The following PRKG1 variants were observed in gnomAD, a reference collection of about 807,000 sequenced individuals.
PRKG1 encodes the protein protein kinase cGMP-dependent 1, also known as cGMP-dependent protein kinase 1.
In PRKG1, 35 loss-of-function variants were observed where a neutral mutation model predicts 88.1. The observed-to-expected ratio is 0.40, with a 90% confidence interval of 0.30 to 0.53. PRKG1 has a LOEUF of 0.53. Among genes scored for constraint, PRKG1 ranks in the 20% least tolerant of loss-of-function variants. PRKG1 has a pLI of 0.59. For missense variants in PRKG1, 540 were observed against 839.8 expected (o/e 0.64, Z 4.41); for synonymous variants, 303 against 292.5 (o/e 1.04, Z -0.37).
At chr10:51,461,427 A>AT (rs1564507372) in intron 2 of PRKG1, among the ~76,000 whole-genome samples, 1 of 152,222 alleles carries the variant, frequency 6.6e-6, no homozygotes. Context: ...TAGAAAAAAA[A>AT]CCTAATACAT....
At chr10:52,045,172 A>G (rs1055199318) in intron 5 of PRKG1, among the ~76,000 whole-genome samples, 2 of 151,974 alleles carry the variant, frequency 1.3e-5, no homozygotes, top group Non-Finnish European at 2.9e-5. Context: ...AATTTTAATT[A>G]TGTGTCTTTG....
intron 15 of PRKG1, 27 bp from the exon 16 acceptor site, chr10:52,288,904 T>C: frequency 6.3e-7 from 1 of 1,596,558 alleles, no homozygotes; most frequent in Non-Finnish European, 8.5e-7. Context: ...AAAATTAGAT[T>C]TAATAAAACC....
intron 1 of PRKG1, among the ~76,000 whole-genome samples, chr10:51,087,967 G>A (rs1247080023): frequency 6.6e-6 from 1 of 152,158 alleles, no homozygotes; most frequent in Non-Finnish European, 1.5e-5. Flanking sequence ...GTCTTACTGT[G>A]TTACTTAGGC....
In PRKG1 at chr10:51,378,603, G is replaced by A. The variant is rs540692586; in HGVS notation, c.479-89120G>A. On this transcript the variant is annotated intron_variant, in intron 2 of 17. Coordinates refer to ENST00000373980, the MANE Select transcript of PRKG1 (RefSeq NM_006258.4). ...CTATGCACATAATAGGGGGCCTAAT[G>A]AAAACATTATATATTGTTCTTGGGG... is the stretch of plus-strand genomic sequence containing the variant. Among the ~76,000 whole-genome samples the A allele has an allele frequency of 3.3e-3, 495 of 152,284 alleles. 1 individual carries two copies. Among genetic ancestry groups the A allele is most frequent in the Non-Finnish European group, 5.3e-3 (362 of 68,022 alleles).
intron 14 of PRKG1, among the ~76,000 whole-genome samples, chr10:52,286,755 A>G (rs1201588226): frequency 1.3e-5 from 2 of 151,966 alleles, no homozygotes; most frequent in Admixed American, 6.6e-5. Flanking sequence ...TTTTAGAGAA[A>G]TATTTTAGGA....
chr10:51,700,002 C>T (rs1841424432), intron 3 of PRKG1, among the ~76,000 whole-genome samples: 1 of 152,254 alleles, frequency 6.6e-6, no homozygotes, highest in Admixed American at 6.5e-5. Flanking sequence ...GTTTTTCGTT[C>T]TGACAAAGTA....
intron 7 of PRKG1, among the ~76,000 whole-genome samples, chr10:52,126,508 T>C (rs917879047): frequency 7.9e-5 from 12 of 152,108 alleles, no homozygotes; most frequent in African/African-American, 2.9e-4. Flanking sequence ...CAAAAATACT[T>C]CTTTTTCTTT....
At chr10:51,084,223 C>T (rs752828915) in intron 1 of PRKG1, among the ~76,000 whole-genome samples, 8 of 152,014 alleles carry the variant, frequency 5.3e-5, no homozygotes, top group Non-Finnish European at 7.4e-5. Flanking sequence ...GGTTATTGCG[C>T]GTAATTGGGG....
At chr10:52,291,134 G>T (rs1842231922) in intron 17 of PRKG1, among the ~76,000 whole-genome samples, 1 of 151,768 alleles carries the variant, frequency 6.6e-6, no homozygotes, top group African/African-American at 2.4e-5. Flanking sequence ...TGTTGGCCAG[G>T]CTGGTCTTGA....
intron 9 of PRKG1, among the ~76,000 whole-genome samples, chr10:52,197,681 T>C (rs1461744164): frequency 3.3e-5 from 5 of 152,202 alleles, no homozygotes; most frequent in African/African-American, 1.2e-4. Flanking sequence ...TTACACAACT[T>C]CAGAGGTGAG....
intron 3 of PRKG1, among the ~76,000 whole-genome samples, chr10:51,513,048 T>C (rs547423413): frequency 5.1e-4 from 77 of 151,506 alleles, no homozygotes; most frequent in African/African-American, 1.7e-3. Context: ...GGTTGTTTGT[T>C]TTTTTCTTGT....
At chr10:51,719,714 T>C (rs1197104190) in intron 3 of PRKG1, among the ~76,000 whole-genome samples, 2 of 152,236 alleles carry the variant, frequency 1.3e-5, no homozygotes, top group African/African-American at 2.4e-5. Flanking sequence ...ACCTGGGTTG[T>C]GTATGATGGT....
intron 2 of PRKG1, among the ~76,000 whole-genome samples, chr10:51,336,613 C>A (rs1373833113): frequency 6.6e-6 from 1 of 152,144 alleles, no homozygotes; most frequent in Non-Finnish European, 1.5e-5. Context: ...CCAGTTATAC[C>A]TGGCATAGAG....
At chr10:51,841,567 A>T (rs1840275508) in intron 4 of PRKG1, among the ~76,000 whole-genome samples, 1 of 152,126 alleles carries the variant, frequency 6.6e-6, no homozygotes, top group African/African-American at 2.4e-5. Context: ...TTAAAGAGAG[A>T]TTTTTAGAAA....
chr10:51,643,403 T>A (rs1839845819), intron 3 of PRKG1, among the ~76,000 whole-genome samples: 1 of 152,234 alleles, frequency 6.6e-6, no homozygotes, highest in South Asian at 2.1e-4. Flanking sequence ...TAATTTATTA[T>A]ACATACATCT....
At chr10:51,906,146 G>C (rs1842080817) in intron 4 of PRKG1, among the ~76,000 whole-genome samples, 2 of 152,128 alleles carry the variant, frequency 1.3e-5, no homozygotes. Flanking sequence ...TAATGGTTAG[G>C]AGTCGGCCTG....
At chr10:51,659,620 G>A (rs2132328005) in intron 3 of PRKG1, among the ~76,000 whole-genome samples, 1 of 152,212 alleles carries the variant, frequency 6.6e-6, no homozygotes, top group East Asian at 1.9e-4. Context: ...ATCAAGAGAT[G>A]AAGCTGTAGC....
At chr10:51,583,104 T>G (rs1052901002) in intron 3 of PRKG1, among the ~76,000 whole-genome samples, 1 of 152,138 alleles carries the variant, frequency 6.6e-6, no homozygotes, top group Non-Finnish European at 1.5e-5. Flanking sequence ...TATGTTTCTA[T>G]ATAGGAGAGT....
intron 4 of PRKG1, among the ~76,000 whole-genome samples, chr10:51,834,183 A>C (rs2132759831): frequency 6.6e-6 from 1 of 152,270 alleles, no homozygotes; most frequent in South Asian, 2.1e-4. Flanking sequence ...TTCAATCTCC[A>C]TAATGGCCTC....
Sources: allele counts gnomAD v4.1 joint callset (sites outside exome capture counted in the v4.1 genomes callset), GRCh38; gene constraint gnomAD v4.1.1; transcripts MANE v1.5; gene names NCBI Gene and HGNC (gene_info 2026-07-23, HGNC 2026-07-21).